PHF11: variants seen among roughly 807,000 people sequenced by gnomAD.
PHF11 encodes the protein BRCA1 C-terminus-associated protein.
In PHF11, 38 loss-of-function variants were observed where a neutral mutation model predicts 40.5. That is an observed-to-expected ratio of 0.94 (90% CI 0.72 to 1.23). The LOEUF is 1.23. Among genes scored for constraint, PHF11 ranks in the 50% most tolerant of loss-of-function variants. The pLI is 0.00. For synonymous variants in PHF11, 127 were observed against 138.2 expected (o/e 0.92, Z 0.57); for missense variants, 369 against 392.4 (o/e 0.94, Z 0.50).
intron 3 of PHF11, among the ~76,000 whole-genome samples, chr13:49,513,372 C>G (rs2139053872): frequency 6.6e-6 from 1 of 150,420 alleles, no homozygotes; most frequent in African/African-American, 2.5e-5. Flanking sequence ...CTCTTGTTGC[C>G]CAGGCTAGAG....
chr13:49,500,782 G>A (rs116015843), intron 1 of PHF11, among the ~76,000 whole-genome samples: 45 of 152,194 alleles, frequency 3.0e-4, no homozygotes, highest in African/African-American at 1.0e-3. Context: ...TGTATTCCCC[G>A]TTGTCAGAGA....
At chr13:49,507,005 G>A (rs111823017) in intron 2 of PHF11, among the ~76,000 whole-genome samples, 14 of 142,492 alleles carry the variant, frequency 9.8e-5, no homozygotes, top group East Asian at 2.2e-4. Flanking sequence ...CCGGGTTCAC[G>A]CCATTCTCCT....
intron 1 of PHF11, among the ~76,000 whole-genome samples, chr13:49,503,233 C>A (rs1958934279): frequency 6.6e-6 from 1 of 152,086 alleles, no homozygotes; most frequent in South Asian, 2.1e-4. Context: ...TAGCCCATAC[C>A]CCAACCCACC....
intron 3 of PHF11, among the ~76,000 whole-genome samples, chr13:49,517,594 G>A (rs1555277799): frequency 6.6e-6 from 1 of 150,668 alleles, no homozygotes; most frequent in Non-Finnish European, 1.5e-5. Context: ...TTCTGAGTCC[G>A]AAAGAGAAAT....
At chr13:49,524,290 G>T in intron 8 of PHF11, 74 bp downstream of exon 8, 5 of 805,200 alleles carry the variant, frequency 6.2e-6, no homozygotes, top group Non-Finnish European at 5.3e-6. Context: ...ACAAACCCAA[G>T]AAAAAAAAAA....
chr13:49,498,554 T>C (rs1410602757), intron 1 of PHF11, among the ~76,000 whole-genome samples: 1 of 152,216 alleles, frequency 6.6e-6, no homozygotes, highest in African/African-American at 2.4e-5. Context: ...CTGGTACATT[T>C]CAGGTAGATC....
rs749121256 is a variant in PHF11 at position 49,520,924 on chromosome 13, G to A, written c.489G>A (p.Pro163=). 7.0e-6 allele frequency: 11 copies of A among 1,581,800 alleles called. No homozygotes were observed. Among genetic ancestry groups the A allele is most frequent in the Middle Eastern group, 1.7e-4 (1 of 5,984 alleles). ...TTTGCCAGCAACATGCTCAATTCCC[G>A]ATCATCGCTCAAAGTGGTAAGTTTC... ...KLLCQQHAQF[P]IIAQSAKFSG... is the part of the protein sequence containing the mutation. Residue 163 remains proline, a synonymous_variant, in exon 5 of 10, where the codon CCG becomes CCA. Transcript: ENST00000378319.
chr13:49,513,333 T>TC (rs1959103440), intron 3 of PHF11, among the ~76,000 whole-genome samples, 167 bp downstream of exon 3: 1 of 151,094 alleles, frequency 6.6e-6, no homozygotes, highest in Admixed American at 6.6e-5. Context: ...ATTTAATTTT[T>TC]TTTTTTTTTT....
chr13:49,515,179 A>G (rs975368629), intron 3 of PHF11, among the ~76,000 whole-genome samples: 1 of 152,196 alleles, frequency 6.6e-6, no homozygotes, highest in Non-Finnish European at 1.5e-5. Flanking sequence ...TAAAGGAGAG[A>G]AGAGAGGAAA....
chr13:49,523,165 T>G lies in PHF11; in HGVS notation c.571-10T>G. 6.3e-7 allele frequency: 1 copy of G among 1,585,164 alleles called. No individual in the cohort carries two copies. Among genetic ancestry groups the G allele is most frequent in the Non-Finnish European group, 8.7e-7 (1 of 1,153,898 alleles). On this transcript the variant is annotated splice_polypyrimidine_tract_variant and intron_variant, in intron 6 of 9. Coordinates refer to ENST00000378319, the MANE Select transcript of PHF11 (RefSeq NM_001040443.3). ...AATCAATGTAATGCAATCTTGATTT[T>G]CTCTCCTAGCCACCCGAAACAATGA...
intron 5 of PHF11, 98 bp downstream of exon 5, chr13:49,521,038 T>C (rs1959185336): frequency 1.4e-6 from 2 of 1,434,358 alleles, no homozygotes; most frequent in Non-Finnish European, 1.9e-6. Context: ...TGAATTAAAA[T>C]ACAAATGTTT....
At chr13:49,525,757 C>G (rs761543922) in intron 8 of PHF11, 1 of 453,272 alleles carries the variant, frequency 2.2e-6, no homozygotes. Context: ...CTATTTTATT[C>G]ATTTATTTCC....
At chr13:49,519,057 A>G (rs371115474) in intron 4 of PHF11, among the ~76,000 whole-genome samples, 29 of 151,908 alleles carry the variant, frequency 1.9e-4, no homozygotes, top group Non-Finnish European at 2.7e-4. Flanking sequence ...GGATGGTCTC[A>G]ATCTCCTGAC....
At chr13:49,502,954 G>A (rs377610327) in intron 1 of PHF11, among the ~76,000 whole-genome samples, 2 of 152,012 alleles carry the variant, frequency 1.3e-5, no homozygotes, top group East Asian at 3.9e-4. Flanking sequence ...TCGATCTCCT[G>A]ATCTTGTGAT....
rs550266273 is a variant in PHF11 at position 49,518,383 on chromosome 13, G to A, written c.458+232G>A. On this transcript the variant is annotated intron_variant, in intron 4 of 9. Transcript: ENST00000378319. Reference sequence around the variant, plus strand: ...TCTTGAATAATGAGATCAATGTTAGGACAGCATGTTTTTTTAAATATGATT... The same window carrying A: ...TCTTGAATAATGAGATCAATGTTAGAACAGCATGTTTTTTTAAATATGATT... The A allele has an allele frequency of 8.7e-5, 20 of 229,634 alleles. No homozygotes were observed. In the South Asian group the frequency reaches 3.6e-3, roughly 41 times the overall value. 14.2% of individuals were successfully genotyped at this position (229,634 alleles called of 1,614,324 possible). A position where few individuals can be genotyped will look rare whatever the true frequency, so the allele number is the denominator to read the frequency against.
chr13:49,521,104 ATGAC>A lies in PHF11; in HGVS notation c.505+170_505+173del, dbSNP rs573125749. 1,767 of 1,317,994 alleles carry A rather than the reference ATGAC, an allele frequency of 1.3e-3. 1 individual carries two copies. The highest frequency in any genetic ancestry group is 1.6e-3 in the Non-Finnish European group (1,660 of 1,035,384). The allele number at this position is 1,317,994 out of a possible 1,614,324, so 81.6% of individuals were successfully genotyped here. On this transcript the variant is annotated intron_variant, in intron 5 of 9. Transcript: ENST00000378319. The stretch of plus-strand genomic sequence containing the variant: ...ACAACTTCTTTGTGTACTATGTGAT[ATGAC>A]TGACTAATTTTTTCTTCTTTATGAA...
intron 1 of PHF11, among the ~76,000 whole-genome samples, chr13:49,504,556 C>A (rs1381687480): frequency 2.9e-5 from 2 of 70,136 alleles, no homozygotes; most frequent in African/African-American, 7.2e-5. Context: ...TGAGGAGCCC[C>A]TCTGCCCGGC....
At chr13:49,496,797 A>C (rs1958817981) in intron 1 of PHF11, among the ~76,000 whole-genome samples, 1 of 148,532 alleles carries the variant, frequency 6.7e-6, no homozygotes, top group Non-Finnish European at 1.5e-5. Flanking sequence ...TCTTCAGGGA[A>C]AGCTTTTTGA....
At chr13:49,506,893 C>CTT in intron 2 of PHF11, 137 bp downstream of exon 2, 6 of 288,904 alleles carry the variant, frequency 2.1e-5, no homozygotes, top group South Asian at 1.5e-4. Context: ...GATTGGGGAG[C>CTT]ATTTCTTTTT....
Sources: gnomAD v4.1 joint callset for allele counts (sites outside exome capture counted in the v4.1 genomes callset) on GRCh38, gnomAD v4.1.1 for gene constraint, MANE v1.5 for transcripts, NCBI Gene and HGNC (gene_info 2026-07-23, HGNC 2026-07-21) for gene names.